The following GPHN variants were observed in gnomAD, a reference collection of about 807,000 sequenced individuals.
GPHN encodes gephyrin.
A neutral mutation model predicts 95.5 loss-of-function variants in GPHN; 17 were observed. The observed-to-expected ratio is 0.18, with a 90% CI of 0.12 to 0.27. The LOEUF (loss-of-function observed/expected upper bound fraction) is 0.27, where lower values mean the gene tolerates loss of function less well. Among genes scored for constraint, GPHN ranks in the 10% least tolerant of loss-of-function variants. The pLI is 1.00. For synonymous variants in GPHN, 320 were observed against 322.5 expected (o/e 0.99, Z 0.08); for missense variants, 660 against 978.1 (o/e 0.67, Z 4.34).
the GPHN span, chr14:67,382,358 A>G: frequency 8.0e-7 from 1 of 1,244,334 alleles, no homozygotes; most frequent in South Asian, 1.5e-5. Flanking sequence ...TGATTTGTTA[A>G]TACAGCAGAT....
At chr14:67,722,043 T>G in the GPHN span, among the ~76,000 whole-genome samples, 1 of 152,152 alleles carries the variant, frequency 6.6e-6, no homozygotes, top group Non-Finnish European at 1.5e-5. Context: ...AGCACACCCA[T>G]GTACTAGCAC....
chr14:67,154,389 T>C (rs2081458853), intron 18 of GPHN, among the ~76,000 whole-genome samples: 1 of 152,220 alleles, frequency 6.6e-6, no homozygotes, highest in Non-Finnish European at 1.5e-5. Flanking sequence ...CCACAAATTA[T>C]AATTATTTTA....
At chr14:67,605,910 C>A in the GPHN span, among the ~76,000 whole-genome samples, 2 of 151,920 alleles carry the variant, frequency 1.3e-5, no homozygotes, top group East Asian at 3.9e-4. Context: ...CTCAAGCAAC[C>A]TGCCAGTCTC....
At chr14:67,121,479 GTTA>G (rs2153691858) in intron 16 of GPHN, among the ~76,000 whole-genome samples, 1 of 152,156 alleles carries the variant, frequency 6.6e-6, no homozygotes, top group Admixed American at 6.5e-5. Context: ...TTGCAAGGTA[GTTA>G]TTATTACTAT....
At chr14:66,927,634 G>A (rs1173246537) in intron 8 of GPHN, among the ~76,000 whole-genome samples, 1 of 152,096 alleles carries the variant, frequency 6.6e-6, no homozygotes, top group Non-Finnish European at 1.5e-5. Flanking sequence ...TAGAGGAAAT[G>A]CTTTCAGTTT....
intron 1 of GPHN, among the ~76,000 whole-genome samples, chr14:66,580,063 G>C (rs993825029): frequency 2.6e-5 from 4 of 151,682 alleles, no homozygotes; most frequent in Non-Finnish European, 5.9e-5. Flanking sequence ...ATCATTAATA[G>C]GAAGAATTTC....
At chr14:67,048,748 T>A (rs923644867) in intron 10 of GPHN, among the ~76,000 whole-genome samples, 1 of 152,250 alleles carries the variant, frequency 6.6e-6, no homozygotes, top group East Asian at 1.9e-4. Context: ...GTAATTTTAA[T>A]ATTGTAAATT....
intron 1 of GPHN, among the ~76,000 whole-genome samples, chr14:66,599,544 A>G (rs1434525412): frequency 1.3e-5 from 2 of 151,424 alleles, no homozygotes; most frequent in Non-Finnish European, 3.0e-5. Flanking sequence ...TTTATTTTAC[A>G]TATTGCTTAT....
chr14:67,008,236 G>A (rs191057868), intron 9 of GPHN, among the ~76,000 whole-genome samples: 207 of 151,974 alleles, frequency 1.4e-3, no homozygotes, highest in African/African-American at 4.2e-3. Flanking sequence ...GGCGGATCAC[G>A]AGGTCAGGAG....
chr14:67,295,104 AGTG>A, the GPHN span: 1 of 138,012 alleles, frequency 7.2e-6, no homozygotes. Flanking sequence ...GAGATATTGA[AGTG>A]TGTGTGTGTG....
At chr14:67,155,130 T>C (rs567953323) in intron 18 of GPHN, among the ~76,000 whole-genome samples, 6 of 152,276 alleles carry the variant, frequency 3.9e-5, no homozygotes, top group African/African-American at 1.4e-4. Flanking sequence ...CAGGACCTGT[T>C]ATAGAGGAGG....
the GPHN span, among the ~76,000 whole-genome samples, chr14:67,421,246 G>A: frequency 6.6e-6 from 1 of 152,182 alleles, no homozygotes; most frequent in East Asian, 1.9e-4. Context: ...AGGGTTGGAA[G>A]ACTCAACAAA....
chr14:67,266,918 T>TGG, the GPHN span, among the ~76,000 whole-genome samples: 5 of 151,942 alleles, frequency 3.3e-5, no homozygotes, highest in Middle Eastern at 3.2e-3. Flanking sequence ...GACACCAGCC[T>TGG]GGGCAACACA....
the GPHN span, chr14:67,690,774 G>T: frequency 2.6e-6 from 1 of 382,600 alleles, no homozygotes; most frequent in Non-Finnish European, 4.8e-6. Context: ...CCTGAGGCCA[G>T]GAGTTTAAGT....
chr14:67,552,540 G>A, the GPHN span, among the ~76,000 whole-genome samples: 6 of 152,182 alleles, frequency 3.9e-5, no homozygotes, highest in Admixed American at 6.5e-5. Context: ...GGCCGAGGTG[G>A]GCGGATCACG....
At chr14:67,585,277 CA>C in the GPHN span, 1 of 320,886 alleles carries the variant, frequency 3.1e-6, no homozygotes, top group Middle Eastern at 9.6e-4. Context: ...CAGAGCTTTC[CA>C]TCCAGTGTGC....
intron 9 of GPHN, among the ~76,000 whole-genome samples, chr14:67,011,281 GAA>G (rs1476289000): frequency 2.6e-5 from 4 of 151,850 alleles, no homozygotes; most frequent in Admixed American, 6.6e-5. Context: ...GAACAAAACA[GAA>G]TATTAAAGGC....
At chr14:67,098,299 G>T (rs186577193) in intron 12 of GPHN, among the ~76,000 whole-genome samples, 14 of 152,252 alleles carry the variant, frequency 9.2e-5, no homozygotes, top group Non-Finnish European at 1.5e-5. Flanking sequence ...ACACTCAGTA[G>T]ACATTTACTG....
the GPHN span, among the ~76,000 whole-genome samples, chr14:67,686,671 A>G: frequency 2.1e-4 from 31 of 148,860 alleles, no homozygotes; most frequent in South Asian, 4.2e-4. Flanking sequence ...TGCCTGATGC[A>G]TGGTAAGTGC....
Sources: gnomAD v4.1 joint callset for allele counts (sites outside exome capture counted in the v4.1 genomes callset) on GRCh38, gnomAD v4.1.1 for gene constraint, MANE v1.5 for transcripts, NCBI Gene and HGNC (gene_info 2026-07-23, HGNC 2026-07-21) for gene names.